The following SUSD1 variants were observed in gnomAD, a reference collection of about 807,000 sequenced individuals.
SUSD1 encodes the protein sushi domain containing 1, also known as sushi domain-containing protein 1.
Under a neutral mutation model 86.9 loss-of-function variants are expected in SUSD1, and 65 were observed. The observed-to-expected ratio is 0.75, with a 90% CI of 0.61 to 0.92. SUSD1 has a LOEUF of 0.92. SUSD1 is among the 40% of genes least tolerant of loss of function. SUSD1 has a pLI of 0.00. For missense variants in SUSD1, 850 were observed against 929.7 expected (o/e 0.91, Z 1.11); for synonymous variants, 346 against 350.0 (o/e 0.99, Z 0.13).
At chr9:112,128,984 G>A (rs77659783) in intron 5 of SUSD1, among the ~76,000 whole-genome samples, 528 of 152,258 alleles carry the variant, frequency 3.5e-3, no homozygotes, top group African/African-American at 0.011. Context: ...TTTTAAGTAC[G>A]GGAATGAAAA....
intron 5 of SUSD1, among the ~76,000 whole-genome samples, chr9:112,130,966 T>C (rs1205150620): frequency 6.6e-6 from 1 of 152,024 alleles, no homozygotes; most frequent in Non-Finnish European, 1.5e-5. Flanking sequence ...GAAGCTGCAG[T>C]GAGCCAAGAT....
intron 1 of SUSD1, among the ~76,000 whole-genome samples, chr9:112,158,406 T>A (rs1833429143): frequency 6.6e-6 from 1 of 152,126 alleles, no homozygotes; most frequent in Non-Finnish European, 1.5e-5. Flanking sequence ...TTTTTCTTTT[T>A]TTGAGGTAGA....
At chr9:112,151,098 G>A (rs762855496) in intron 2 of SUSD1, among the ~76,000 whole-genome samples, 18 of 152,102 alleles carry the variant, frequency 1.2e-4, no homozygotes, top group Non-Finnish European at 2.1e-4. Context: ...ACAAGCCATC[G>A]TGCCCAGTTA....
chr9:112,074,794 GT>G (rs201701501), intron 12 of SUSD1, among the ~76,000 whole-genome samples: 5,131 of 136,882 alleles, frequency 0.037, 126 homozygotes, highest in African/African-American at 0.076. Flanking sequence ...AAAGGGGTTG[GT>G]TTTTTTTTTT....
intron 13 of SUSD1, among the ~76,000 whole-genome samples, chr9:112,061,246 G>A (rs1366003348): frequency 6.6e-6 from 1 of 152,126 alleles, no homozygotes; most frequent in Non-Finnish European, 1.5e-5. Context: ...TCCCTAAATG[G>A]TGCACAAAGC....
chr9:112,129,140 G>A (rs1007498814), intron 5 of SUSD1, among the ~76,000 whole-genome samples: 1 of 152,200 alleles, frequency 6.6e-6, no homozygotes, highest in African/African-American at 2.4e-5. Context: ...GACTTCAGAG[G>A]GGATGGAAAT....
chr9:112,129,646 C>G (rs1227399987), intron 5 of SUSD1, among the ~76,000 whole-genome samples: 1 of 152,188 alleles, frequency 6.6e-6, no homozygotes, highest in Non-Finnish European at 1.5e-5. Flanking sequence ...ATTATCTATA[C>G]TGTTCATATG....
intron 10 of SUSD1, among the ~76,000 whole-genome samples, chr9:112,090,109 A>C (rs1431796500): frequency 1.3e-5 from 2 of 151,564 alleles, no homozygotes; most frequent in Non-Finnish European, 2.9e-5. Context: ...AAACTAATAA[A>C]ATAAACAAAC....
intron 13 of SUSD1, among the ~76,000 whole-genome samples, chr9:112,060,979 C>T (rs1460787722): frequency 2.0e-5 from 3 of 152,160 alleles, no homozygotes; most frequent in African/African-American, 7.2e-5. Context: ...TTAGCCTGAC[C>T]GTAATCACCT....
Position 112,124,263 on chromosome 9 carries a change from A to G in SUSD1, c.880T>C (p.Cys294Arg). 2 of 1,613,032 alleles carry G rather than the reference A, an allele frequency of 1.2e-6. No individual in the cohort carries two copies. Among genetic ancestry groups the G allele is most frequent in the Non-Finnish European group, 1.7e-6 (2 of 1,179,440 alleles). ...KGTWRESTLT[C>R]TEILTKINDV... ...CCCAGAACAGAATCTGTACCTGTGC[A>G]TGTTAAAGTACTTTCTCTCCAGGTG... Residue 294 changes from cysteine (C) to arginine (R), a missense_variant, in exon 6 of 17, where the codon TGC becomes CGC. Coordinates refer to ENST00000374270, the MANE Select transcript of SUSD1 (RefSeq NM_022486.5).
Position 112,086,562 on chromosome 9 carries a change from G to GAA in SUSD1, c.1475-6398_1475-6397insTT, listed in dbSNP as rs1437452928. On this transcript the variant is annotated intron_variant, in intron 10 of 16. Transcript: ENST00000374270. The stretch of plus-strand genomic sequence containing the variant: ...AAAAAGAAAGAAAGAAAGAAAGAAA[G>GAA]AGAGAGAGAGAGAGAGAGAGAGATC... Among the ~76,000 whole-genome samples, 51 of 131,052 alleles carry GAA rather than the reference G, an allele frequency of 3.9e-4. 1 individual carries two copies. The highest frequency in any genetic ancestry group is 1.4e-3 in the African/African-American group (42 of 29,282). 86.0% of individuals were successfully genotyped at this position (131,052 alleles called of 152,430 possible).
At chr9:112,062,408 T>C (rs1446898229) in intron 13 of SUSD1, among the ~76,000 whole-genome samples, 2 of 152,152 alleles carry the variant, frequency 1.3e-5, no homozygotes, top group African/African-American at 4.8e-5. Flanking sequence ...GAAGTCTCTC[T>C]ATGTGGCCGG....
At chr9:112,068,792 A>G (rs1052122332) in intron 12 of SUSD1, among the ~76,000 whole-genome samples, 1 of 152,216 alleles carries the variant, frequency 6.6e-6, no homozygotes, top group Non-Finnish European at 1.5e-5. Context: ...AAGGGCAAAA[A>G]TACAGGTTGT....
At chr9:112,139,774 TA>T (rs75847784) in intron 5 of SUSD1, among the ~76,000 whole-genome samples, 11 of 148,782 alleles carry the variant, frequency 7.4e-5, no homozygotes, top group East Asian at 2.0e-4. Flanking sequence ...TATTTCCAAT[TA>T]AAAAAAAAAG....
intron 10 of SUSD1, among the ~76,000 whole-genome samples, chr9:112,095,320 G>T (rs1200074238): frequency 6.6e-6 from 1 of 152,236 alleles, no homozygotes; most frequent in Non-Finnish European, 1.5e-5. Flanking sequence ...AACTTAAATG[G>T]AAGGGTAAAG....
intron 12 of SUSD1, among the ~76,000 whole-genome samples, chr9:112,071,063 C>A (rs1190556605): frequency 6.6e-6 from 1 of 152,128 alleles, no homozygotes; most frequent in Non-Finnish European, 1.5e-5. Context: ...TAGTTCACTG[C>A]AGCTTTGAAC....
chr9:112,153,815 T>C (rs1012616767), intron 2 of SUSD1, among the ~76,000 whole-genome samples: 1 of 152,048 alleles, frequency 6.6e-6, no homozygotes, highest in Non-Finnish European at 1.5e-5. Flanking sequence ...GGTTTCACCA[T>C]GTTGGACAGG....
intron 12 of SUSD1, among the ~76,000 whole-genome samples, chr9:112,070,306 C>T (rs370866160): frequency 1.3e-5 from 2 of 152,186 alleles, no homozygotes; most frequent in African/African-American, 2.4e-5. Context: ...CACGCCCAGC[C>T]GCTGCCTTAT....
At chr9:112,126,063 AT>A (rs1411579556) in intron 5 of SUSD1, among the ~76,000 whole-genome samples, 2 of 152,232 alleles carry the variant, frequency 1.3e-5, no homozygotes, top group Non-Finnish European at 2.9e-5. Context: ...GACGTATTTA[AT>A]GGCCCAAGGC....
Sources: gnomAD v4.1 joint callset for allele counts (sites outside exome capture counted in the v4.1 genomes callset) on GRCh38, gnomAD v4.1.1 for gene constraint, MANE v1.5 for transcripts, NCBI Gene and HGNC (gene_info 2026-07-23, HGNC 2026-07-21) for gene names.